Variants in IL12RB2 observed in about 807,000 individuals in gnomAD.
The protein encoded by IL12RB2 is interleukin 12 receptor subunit beta 2.
IL12RB2 carries 82 observed loss-of-function variants against 89.4 expected under a neutral mutation model. The ratio of observed to expected loss-of-function variants is 0.92; its 90% CI spans 0.77 to 1.10. The LOEUF (loss-of-function observed/expected upper bound fraction) is 1.10, where lower values mean the gene tolerates loss of function less well. Ranked by LOEUF, IL12RB2 falls within the 50% of genes least tolerant of loss-of-function variation. The pLI, the probability that IL12RB2 is intolerant of heterozygous loss-of-function variation, is 0.00. For synonymous variants in IL12RB2, 368 were observed against 370.1 expected, an observed-to-expected ratio of 0.99 and a Z score of 0.07; for missense variants, 963 against 1,031.9, an observed-to-expected ratio of 0.93 and a Z score of 0.92.
In IL12RB2 at chr1:67,308,582, C is replaced by T. The variant is rs180935908; in HGVS notation, c.-125+615C>T. On this transcript the variant is annotated intron_variant, in intron 1 of 16. Coordinates refer to ENST00000674203, the MANE Select transcript of IL12RB2 (RefSeq NM_001374259.2). ...CCTCAGTTTTCTCTTCTGTGAAATG[C>T]CCCTTCCTTTGTGAACTATGAGGCC... is the stretch of plus-strand genomic sequence containing the variant. Among the ~76,000 whole-genome samples, 910 of 152,246 alleles carry T rather than the reference C, an allele frequency of 6.0e-3. 9 individuals are homozygous for T. Among genetic ancestry groups the T allele is most frequent in the Non-Finnish European group, 6.5e-3 (443 of 68,018 alleles).
intron 10 of IL12RB2, among the ~76,000 whole-genome samples, chr1:67,364,365 T>C (rs991667463): frequency 6.6e-6 from 1 of 152,206 alleles, no homozygotes; most frequent in Non-Finnish European, 1.5e-5. Flanking sequence ...CACTCCAGCC[T>C]GTGAGACAGA....
In IL12RB2 at chr1:67,380,420, C is replaced by A. The variant is rs17129921; in HGVS notation, c.1855+297C>A. Among the ~76,000 whole-genome samples the A allele has an allele frequency of 5.8e-3, 883 of 152,308 alleles. 12 individuals are homozygous for A. The highest frequency in any genetic ancestry group is 0.02 in the African/African-American group (836 of 41,568). On this transcript the variant is annotated intron_variant, in intron 14 of 16. Transcript: ENST00000674203. ...TTAACTCCTACTCAAAACTCTGAAT[C>A]CTGTAGGCAAGGATTGATATCTGTT... is the stretch of plus-strand genomic sequence containing the variant.
intron 13 of IL12RB2, among the ~76,000 whole-genome samples, chr1:67,373,070 A>G (rs1361793255): frequency 6.6e-6 from 1 of 152,214 alleles, no homozygotes; most frequent in African/African-American, 2.4e-5. Context: ...ATGAAGAGAC[A>G]GAATTTCAAC....
chr1:67,393,869 A>G (rs1553130443), intron 16 of IL12RB2, among the ~76,000 whole-genome samples: 1 of 147,754 alleles, frequency 6.8e-6, no homozygotes, highest in Non-Finnish European at 1.5e-5. Flanking sequence ...TCCCACGGCT[A>G]TTTTTTGTCA....
intron 9 of IL12RB2, among the ~76,000 whole-genome samples, chr1:67,347,423 C>G (rs1660360232): frequency 6.6e-6 from 1 of 151,938 alleles, no homozygotes; most frequent in Non-Finnish European, 1.5e-5. Context: ...ATGGAGACAC[C>G]CCTCCTCCAA....
rs1656509763 is a variant in IL12RB2, at chr1:67,321,460, A to G, written c.77-142A>G. The stretch of plus-strand genomic sequence containing the variant: ...TCTGTTTTCATTGTACATCACCATT[A>G]TAACCAGAGACATGTAGGTTAATTA... On this transcript the variant is annotated intron_variant, in intron 3 of 16. Coordinates refer to ENST00000674203, the MANE Select transcript of IL12RB2 (RefSeq NM_001374259.2). 3.2e-5 allele frequency: 22 copies of G among 696,284 alleles called. No individual in the cohort carries two copies. The South Asian group carries it at 3.4e-4, about 11-fold the overall frequency. The allele number at this position is 696,284 out of a possible 1,614,324, so 43.1% of individuals were successfully genotyped here.
chr1:67,361,643 A>G (rs6660836), intron 10 of IL12RB2, among the ~76,000 whole-genome samples: 103,637 of 151,992 alleles, frequency 0.68, 39,274 homozygotes, highest in South Asian at 0.85. Context: ...AAACATAACA[A>G]CATATACAAA....
intron 10 of IL12RB2, among the ~76,000 whole-genome samples, chr1:67,359,171 T>G (rs976456832): frequency 8.6e-5 from 13 of 151,968 alleles, no homozygotes; most frequent in Admixed American, 8.5e-4. Flanking sequence ...AATAAAAAAC[T>G]TATTTATATA....
At chr1:67,323,166 G>A (rs371855830) in intron 4 of IL12RB2, among the ~76,000 whole-genome samples, 3 of 152,234 alleles carry the variant, frequency 2.0e-5, no homozygotes. Context: ...TTGGTGCCAG[G>A]TGATTTTCCT....
At position 67,338,613 on chromosome 1, in the gene IL12RB2, CT is replaced by C; in HGVS notation, c.959-8del. 1 of 1,358,506 alleles carries C rather than the reference CT, an allele frequency of 7.4e-7. No homozygotes were observed. The highest frequency in any genetic ancestry group is 1.1e-6 in the Non-Finnish European group (1 of 946,642). The allele number at this position is 1,358,506 out of a possible 1,614,324, so 84.2% of individuals were successfully genotyped here. ...ATATGAAAATATGTCTTTTTTTCTCCTTTGAAACAGAGCCTACTGGGATGTT... is the reference window on the plus strand; with the variant it reads ...ATATGAAAATATGTCTTTTTTTCTCCTTGAAACAGAGCCTACTGGGATGTT... On this transcript the variant is annotated splice_polypyrimidine_tract_variant and intron_variant, in intron 8 of 16. Transcript: ENST00000674203.
At chr1:67,388,344 TTTTTG>T (rs887605621) in intron 15 of IL12RB2, among the ~76,000 whole-genome samples, 24 of 152,072 alleles carry the variant, frequency 1.6e-4, no homozygotes, top group African/African-American at 5.1e-4. Flanking sequence ...AACCACAATA[TTTTTG>T]TTTTGTTTTG....
Position 67,326,786 on chromosome 1 carries a change from G to A in IL12RB2, c.416G>A (p.Gly139Glu), listed in dbSNP as rs915280077. 1.9e-6 allele frequency: 3 copies of A among 1,613,800 alleles called. No homozygotes were observed. The highest frequency in any genetic ancestry group is 2.5e-6 in the Non-Finnish European group (3 of 1,179,886). Residue 139 changes from glycine (G) to glutamate (E), a missense_variant, in exon 5 of 17, where the codon GGG (glycine) becomes GAG (glutamate). Physicochemically the swap from Gly to Glu is moderately conservative, Grantham distance 98. Transcript: ENST00000674203. ...NLSCIQKGEQ[G>E]TVACTWERGR... ...TCCTGCATACAGAAGGGAGAACAGG[G>A]GACTGTGGCCTGCACCTGGGAAAGA...
At chr1:67,360,503 C>T (rs1462274206) in intron 10 of IL12RB2, among the ~76,000 whole-genome samples, 1 of 151,742 alleles carries the variant, frequency 6.6e-6, no homozygotes, top group Non-Finnish European at 1.5e-5. Flanking sequence ...TTATAAAATA[C>T]ATCAGAGTTG....
intron 4 of IL12RB2, among the ~76,000 whole-genome samples, chr1:67,323,374 C>T (rs1319884434): frequency 1.3e-5 from 2 of 152,228 alleles, no homozygotes; most frequent in Admixed American, 6.5e-5. Context: ...CTCAACTCTG[C>T]CAGTGGCAGT....
At chr1:67,378,742 C>T (rs1664235329) in intron 13 of IL12RB2, among the ~76,000 whole-genome samples, 1 of 149,236 alleles carries the variant, frequency 6.7e-6, no homozygotes, top group African/African-American at 2.5e-5. Flanking sequence ...CCCAGTTACT[C>T]AGGAGGCTGA....
chr1:67,321,562 A>G (rs1441836627), intron 3 of IL12RB2, 40 bp from the exon 4 acceptor site: 1 of 1,377,440 alleles, frequency 7.3e-7, no homozygotes, highest in South Asian at 1.2e-5. Flanking sequence ...AAATGGGTTT[A>G]TTATCACCAA....
chr1:67,375,899 T>C (rs1360915664), intron 13 of IL12RB2, among the ~76,000 whole-genome samples: 2 of 148,416 alleles, frequency 1.3e-5, no homozygotes, highest in Non-Finnish European at 3.0e-5. Flanking sequence ...CAGGCTGGAG[T>C]GCAATGGCGC....
rs1384659236 is a variant in IL12RB2, at chr1:67,321,815, C to A, written c.290C>A (p.Thr97Asn). The A allele has an allele frequency of 3.7e-6, 6 of 1,612,838 alleles. No homozygotes were observed. The highest frequency in any genetic ancestry group is 3.3e-5 in the South Asian group (3 of 91,048). The change falls in exon 4 of 17, where the codon ACC (threonine) becomes AAC (asparagine). Residue 97 changes from threonine (T) to asparagine (N), a missense_variant. Physicochemically the swap from Thr to Asn is moderately conservative, Grantham distance 65. Transcript: ENST00000674203. ...SQVTGLPLGT[T>N]LFVCKLACIN... ...GTCACAGGTCTTCCCCTTGGTACAA[C>A]CTTGTTTGTCTGCAAACTGGCCTGT...
At chr1:67,336,004 G>T (rs1243396367) in intron 8 of IL12RB2, among the ~76,000 whole-genome samples, 1 of 152,182 alleles carries the variant, frequency 6.6e-6, no homozygotes, top group Non-Finnish European at 1.5e-5. Context: ...GTCCCCTTTA[G>T]ATTTCTTACC....
Sources: gnomAD v4.1 joint callset for allele counts (sites outside exome capture counted in the v4.1 genomes callset) on GRCh38, gnomAD v4.1.1 for gene constraint, MANE v1.5 for transcripts, NCBI Gene and HGNC (gene_info 2026-07-23, HGNC 2026-07-21) for gene names.